Variants in LIMK2 observed in about 807,000 individuals in gnomAD.
LIMK2 encodes LIM domain kinase 2.
Under a neutral mutation model 75.7 loss-of-function variants are expected in LIMK2, and 35 were observed. The observed-to-expected ratio is 0.46, with a 90% confidence interval of 0.35 to 0.61. LIMK2 has a LOEUF of 0.61. LIMK2 is among the 20% of genes least tolerant of loss of function. The pLI is 0.00. For synonymous variants in LIMK2, 301 were observed against 319.2 expected, an observed-to-expected ratio of 0.94 and a Z score of 0.61; for missense variants, 623 against 831.0, an observed-to-expected ratio of 0.75 and a Z score of 3.08.
chr22:31,256,112 C>T (rs1407552154), intron 2 of LIMK2, among the ~76,000 whole-genome samples: 3 of 147,236 alleles, frequency 2.0e-5, no homozygotes, highest in Non-Finnish European at 4.5e-5. Flanking sequence ...GATTCTCCTG[C>T]CTCAGCCTCC....
chr22:31,223,731 T>C (rs2048456020), intron 1 of LIMK2, among the ~76,000 whole-genome samples: 1 of 152,196 alleles, frequency 6.6e-6, no homozygotes, highest in Admixed American at 6.6e-5. Flanking sequence ...GCATACTCTG[T>C]GACCACTGTC....
rs779307886 is a variant in LIMK2 at position 31,273,430 on chromosome 22, G to A, written c.1559-22G>A. On this transcript the variant is annotated intron_variant, in intron 13 of 15. Transcript: ENST00000331728. ...AGGTAAGGGATGTAAACTTAACAGT[G>A]TGCTCTCCTGTGTTCCCCAAGGAAA... 8 of 1,608,450 alleles carry A rather than the reference G, an allele frequency of 5.0e-6. No individual in the cohort carries two copies. In the Admixed American group the frequency reaches 1.0e-4, roughly 20 times the overall value.
chr22:31,216,659 A>G (rs563178811), intron 1 of LIMK2, among the ~76,000 whole-genome samples: 31 of 152,322 alleles, frequency 2.0e-4, no homozygotes, highest in East Asian at 1.9e-4. Flanking sequence ...GGAGCAGGGT[A>G]GGGTCCAAAA....
chr22:31,265,972 C>G lies in LIMK2; in HGVS notation c.881C>G (p.Pro294Arg), dbSNP rs745634132. 1.2e-6 allele frequency: 2 copies of G among 1,614,186 alleles called. No individual in the cohort carries two copies. The highest frequency in any genetic ancestry group is 2.2e-5 in the South Asian group (2 of 91,076). The change falls in exon 8 of 16, where the codon CCT becomes CGT. Residue 294 changes from proline to arginine, a missense_variant. Pro to Arg is a moderately radical substitution (Grantham distance 103). Coordinates refer to ENST00000331728, the MANE Select transcript of LIMK2 (RefSeq NM_005569.4). ...LRRSNSISKS[P>R]GPSSPKEPLL... is the part of the protein sequence containing the mutation. ...CGCAGTAACAGTATCTCCAAGTCCC[C>G]TGGCCCCAGCTCCCCAAAGGAGCCC... is the stretch of plus-strand genomic sequence containing the variant.
chr22:31,255,973 T>C (rs1252654550), intron 2 of LIMK2, among the ~76,000 whole-genome samples: 1 of 133,480 alleles, frequency 7.5e-6, no homozygotes, highest in African/African-American at 2.9e-5. Context: ...TCTACTATAT[T>C]GGGTCTTTTT....
chr22:31,276,546 TCCGCATGCTGCAGCTGCCCCCGGGCGCC>T, intron 15 of LIMK2, among the ~76,000 whole-genome samples: 1 of 145,736 alleles, frequency 6.9e-6, no homozygotes, highest in East Asian at 2.0e-4. Flanking sequence ...GCCCGGGGGC[TCCGCATGCTGCAGCTGCCCCCGGGCGCC>T]CCCGCCGCCG....
At chr22:31,267,732 T>C (rs1286444387) in intron 9 of LIMK2, 44 bp from the exon 10 acceptor site, 2 of 1,558,952 alleles carry the variant, frequency 1.3e-6, no homozygotes, top group Non-Finnish European at 1.7e-6. Flanking sequence ...AGGAAGACAG[T>C]GAGAAGTTAA....
intron 2 of LIMK2, among the ~76,000 whole-genome samples, chr22:31,256,147 C>T (rs368683630): frequency 5.8e-4 from 85 of 145,564 alleles, no homozygotes; most frequent in African/African-American, 1.9e-3. Context: ...TACCAGTGCA[C>T]GCCACCACGC....
At chr22:31,227,727 A>G (rs2123778869) in intron 2 of LIMK2, among the ~76,000 whole-genome samples, 2 of 152,298 alleles carry the variant, frequency 1.3e-5, no homozygotes, top group African/African-American at 4.8e-5. Context: ...TTGGCATGTA[A>G]CCCATATGTT....
chr22:31,213,855 G>A (rs970850818), intron 1 of LIMK2, among the ~76,000 whole-genome samples: 3 of 141,676 alleles, frequency 2.1e-5, no homozygotes, highest in East Asian at 2.0e-4. Flanking sequence ...TTGCTCTGTC[G>A]CCCAGGCTGG....
intron 2 of LIMK2, among the ~76,000 whole-genome samples, chr22:31,248,070 A>C (rs1351687985): frequency 6.7e-6 from 1 of 150,044 alleles, no homozygotes; most frequent in African/African-American, 2.5e-5. Flanking sequence ...TTCCACCTCC[A>C]AGCAGAATTA....
intron 2 of LIMK2, among the ~76,000 whole-genome samples, chr22:31,246,175 G>GCACACACACACACACA (rs1300039438): frequency 1.3e-4 from 10 of 78,140 alleles, no homozygotes; most frequent in Non-Finnish European, 2.3e-4. Flanking sequence ...TCCGACACAC[G>GCACACACACACACACA]CACGCACGCA....
At chr22:31,232,154 A>G (rs2048534508) in intron 2 of LIMK2, among the ~76,000 whole-genome samples, 1 of 151,936 alleles carries the variant, frequency 6.6e-6, no homozygotes, top group South Asian at 2.1e-4. Flanking sequence ...GAAGGCCCAG[A>G]AAGGTTTGGA....
Position 31,262,209 on chromosome 22 carries a change from G to A in LIMK2, c.627G>A (p.Gly209=), listed in dbSNP as rs2048847287. Reference sequence around the variant, plus strand: ...GGGACCGCATCCTGGAGATCAATGGGACCCCCGTCCGCACACTTCGAGTGG... The same window carrying A: ...GGGACCGCATCCTGGAGATCAATGGAACCCCCGTCCGCACACTTCGAGTGG... ...HPGDRILEIN[G]TPVRTLRVEE... Residue 209 remains glycine, a synonymous_variant, in exon 6 of 16, where the codon GGG becomes GGA. Transcript: ENST00000331728. The surrounding 1 kb of genome is among the most constrained non-coding windows in gnomAD (Gnocchi z 5.0). The A allele has an allele frequency of 6.2e-7, 1 of 1,614,028 alleles. No homozygotes were observed. Among genetic ancestry groups the A allele is most frequent in the South Asian group, 1.1e-5 (1 of 91,074 alleles).
At chr22:31,258,140 G>A (rs538712364) in intron 2 of LIMK2, 151 bp from the exon 3 acceptor site, 1 of 721,224 alleles carries the variant, frequency 1.4e-6, no homozygotes, top group Admixed American at 2.9e-5. Flanking sequence ...GCTTCCCTTG[G>A]GGAGATAGCA....
Position 31,278,546 on chromosome 22 carries a change from G to C in LIMK2, c.*105G>C. 1 of 1,286,092 alleles carries C rather than the reference G, an allele frequency of 7.8e-7. No individual in the cohort carries two copies. The highest frequency in any genetic ancestry group is 1.0e-6 in the Non-Finnish European group (1 of 953,382). 79.7% of individuals were successfully genotyped at this position (1,286,092 alleles called of 1,614,324 possible). On this transcript the variant is annotated 3_prime_UTR_variant, in exon 16 of 16. Coordinates refer to ENST00000331728, the MANE Select transcript of LIMK2 (RefSeq NM_005569.4). ...CGTCCGGGCTTCCTGTGGATTGGCG[G>C]AATGTTTAGAAGCAGAACAAGCCAT...
intron 2 of LIMK2, among the ~76,000 whole-genome samples, chr22:31,228,271 T>G (rs995594938): frequency 1.3e-5 from 2 of 151,894 alleles, no homozygotes; most frequent in Non-Finnish European, 2.9e-5. Context: ...AGAAAAAAAT[T>G]AGCTTGGCAT....
chr22:31,276,229 C>G (rs1286301636), intron 15 of LIMK2, among the ~76,000 whole-genome samples: 1 of 152,148 alleles, frequency 6.6e-6, no homozygotes, highest in Non-Finnish European at 1.5e-5. Context: ...GAGTGAAACT[C>G]TGTCTCAAAA....
intron 1 of LIMK2, among the ~76,000 whole-genome samples, chr22:31,219,747 A>G (rs2048418277): frequency 6.6e-6 from 1 of 151,560 alleles, no homozygotes; most frequent in South Asian, 2.1e-4. Flanking sequence ...AATTTTTTGT[A>G]TTTTTTAGTA....
Sources: gnomAD v4.1 joint callset for allele counts (sites outside exome capture counted in the v4.1 genomes callset) on GRCh38, gnomAD v4.1.1 for gene constraint, Gnocchi (gnomAD v3.1) non-coding constraint, MANE v1.5 for transcripts, NCBI Gene and HGNC (gene_info 2026-07-23, HGNC 2026-07-21) for gene names.